The following PGS1 variants were observed in gnomAD, a reference collection of about 807,000 sequenced individuals.
PGS1 encodes CDP-diacylglycerol--glycerol-3-phosphate 3-phosphatidyltransferase, mitochondrial.
A neutral mutation model predicts 58.3 loss-of-function variants in PGS1; 44 were observed. The observed-to-expected ratio is 0.75, with a 90% CI of 0.59 to 0.97. PGS1 has a LOEUF of 0.97. Among genes scored for constraint, PGS1 ranks in the 50% least tolerant of loss-of-function variants. The pLI, the probability that PGS1 is intolerant of heterozygous loss-of-function variation, is 0.00. For missense variants in PGS1, 684 were observed against 731.1 expected, an observed-to-expected ratio of 0.94 and a Z score of 0.74; for synonymous variants, 330 against 311.0, an observed-to-expected ratio of 1.06 and a Z score of -0.64.
chr17:78,416,721 TC>T (rs1464543130), intron 8 of PGS1, among the ~76,000 whole-genome samples: 9 of 152,242 alleles, frequency 5.9e-5, no homozygotes, highest in African/African-American at 9.7e-5. Context: ...CTGTAGCTCT[TC>T]CATTCTTTAG....
At chr17:78,399,091 C>T (rs1160097815) in intron 4 of PGS1, among the ~76,000 whole-genome samples, 2 of 152,168 alleles carry the variant, frequency 1.3e-5, no homozygotes, top group Non-Finnish European at 2.9e-5. Flanking sequence ...GTGCAGTTAC[C>T]AGGAGAAGGG....
intron 9 of PGS1, chr17:78,420,428 C>T (rs936322751): frequency 5.4e-5 from 9 of 165,802 alleles, no homozygotes; most frequent in African/African-American, 9.6e-5. Flanking sequence ...TCCCTCAGGG[C>T]CTGGACTGCA....
chr17:78,423,564 C>T, intron 9 of PGS1: 1 of 295,060 alleles, frequency 3.4e-6, no homozygotes, highest in Non-Finnish European at 6.6e-6. Context: ...ACTCCACTGA[C>T]CCCCCCGGGA....
In PGS1 at chr17:78,403,482, C is replaced by T. The variant is rs991027564; in HGVS notation, c.881-86C>T. On this transcript the variant is annotated intron_variant, in intron 6 of 9. Transcript: ENST00000262764. ...CATCCAGTTGTAGCGTCTGCACTTGCCTATCACATGCCCTGTCCCCTGAGC... is the reference window on the plus strand; with the variant it reads ...CATCCAGTTGTAGCGTCTGCACTTGTCTATCACATGCCCTGTCCCCTGAGC... 14 of 1,374,966 alleles carry T rather than the reference C, an allele frequency of 1.0e-5. No homozygotes were observed. In the Middle Eastern group the frequency reaches 1.8e-3, roughly 178 times the overall value. The allele number at this position is 1,374,966 out of a possible 1,614,324, so 85.2% of individuals were successfully genotyped here.
rs377653504 is a variant in PGS1 at position 78,392,511 on chromosome 17, C to T, written c.179C>T (p.Pro60Leu). 2.0e-5 allele frequency: 32 copies of T among 1,613,870 alleles called. No individual in the cohort carries two copies. The African/African-American group carries it at 3.9e-4, about 20-fold the overall frequency. Residue 60 changes from proline to leucine, a missense_variant, in exon 2 of 10, where the codon CCA becomes CTA. Transcript: ENST00000262764. Reference protein sequence around the residue: ...PWLLLAPLLSPAVPQVTSPPC... With the variant: ...PWLLLAPLLSLAVPQVTSPPC... ...CTGTTATTGGCTCCCTTGCTGTCCC[C>T]AGCTGTTCCCCAGGTCACCTCCCCA...
chr17:78,424,189 G>A lies in PGS1; in HGVS notation c.*139G>A. On this transcript the variant is annotated 3_prime_UTR_variant, in exon 10 of 10. Transcript: ENST00000262764. ...AGTATGGCTGAGGGTCAGGTGTGCT[G>A]CCAGTAAGTGAGGGAGGGGCTGGCA... 6.3e-7 allele frequency: 1 copy of A among 1,577,746 alleles called. No individual in the cohort carries two copies. The highest frequency in any genetic ancestry group is 8.6e-7 in the Non-Finnish European group (1 of 1,162,478).
chr17:78,414,739 C>G (rs1223494263), intron 7 of PGS1, 140 bp from the exon 8 acceptor site: 4 of 905,888 alleles, frequency 4.4e-6, no homozygotes, highest in Admixed American at 2.3e-5. Context: ...CTGGTGTGGC[C>G]TGTCCGCCGC....
intron 7 of PGS1, among the ~76,000 whole-genome samples, chr17:78,410,265 C>T (rs1441948048): frequency 1.3e-5 from 2 of 151,898 alleles, no homozygotes; most frequent in African/African-American, 2.4e-5. Context: ...CCCGTCTCTA[C>T]TAAAAATACA....
intron 9 of PGS1, chr17:78,420,389 C>G: frequency 4.3e-6 from 1 of 232,080 alleles, no homozygotes; most frequent in Non-Finnish European, 7.1e-6. Context: ...AAGGTGGGGT[C>G]TTTGCTGAGT....
Position 78,378,809 on chromosome 17 carries a change from GT to G in PGS1, c.143+2del. On this transcript the variant is annotated splice_donor_variant, in intron 1 of 9. Coordinates refer to ENST00000262764, the MANE Select transcript of PGS1 (RefSeq NM_024419.5). LOFTEE classifies it high-confidence loss of function. ...GGAACCGGGACCGCCAGCGCAGGAGGTGAGAGGGGCGGCCGGGATGAGAGTG... is the reference window on the plus strand; with the variant it reads ...GGAACCGGGACCGCCAGCGCAGGAGGGAGAGGGGCGGCCGGGATGAGAGTG... The G allele has an allele frequency of 6.9e-7, 1 of 1,450,530 alleles. No homozygotes were observed. Among genetic ancestry groups the G allele is most frequent in the Non-Finnish European group, 9.0e-7 (1 of 1,109,612 alleles). The allele number at this position is 1,450,530 out of a possible 1,614,324, so 89.9% of individuals were successfully genotyped here.
intron 1 of PGS1, among the ~76,000 whole-genome samples, chr17:78,380,118 G>A (rs1164610544): frequency 1.3e-5 from 2 of 151,776 alleles, no homozygotes; most frequent in African/African-American, 2.4e-5. Context: ...CACCTGCCTC[G>A]GCCTCCCAAA....
chr17:78,420,412 C>T (rs953290856), intron 9 of PGS1: 8 of 182,012 alleles, frequency 4.4e-5, no homozygotes, highest in Admixed American at 3.9e-4. Flanking sequence ...CCTTTTGTGT[C>T]CTGGATCCCT....
chr17:78,401,323 G>T (rs1171004706), intron 6 of PGS1, among the ~76,000 whole-genome samples: 2 of 152,222 alleles, frequency 1.3e-5, no homozygotes, highest in East Asian at 3.8e-4. Flanking sequence ...CAGGCCAGCA[G>T]CTGTTCGCCT....
chr17:78,406,474 TC>T (rs1567982240), intron 7 of PGS1, among the ~76,000 whole-genome samples: 1 of 152,204 alleles, frequency 6.6e-6, no homozygotes, highest in Non-Finnish European at 1.5e-5. Flanking sequence ...ATGGGAAGCT[TC>T]TGGCATGTCC....
intron 1 of PGS1, among the ~76,000 whole-genome samples, chr17:78,386,974 GATGATGGTGATGATGGTGA>G (rs2082432582): frequency 8.2e-6 from 1 of 121,760 alleles, no homozygotes; most frequent in African/African-American, 3.1e-5. Flanking sequence ...TGATGATGAT[GATGATGGTGATGATGGTGA>G]TGATGATGAT....
chr17:78,420,345 G>A (rs527576056), intron 9 of PGS1: 8 of 514,178 alleles, frequency 1.6e-5, no homozygotes, highest in African/African-American at 4.1e-5. Flanking sequence ...CTGTCTTGAC[G>A]CCTAGAGGTC....
At chr17:78,415,560 A>G (rs985243989) in intron 8 of PGS1, among the ~76,000 whole-genome samples, 2 of 152,206 alleles carry the variant, frequency 1.3e-5, no homozygotes, top group Admixed American at 1.3e-4. Context: ...TGAACCTAGG[A>G]AGCAGAGGTT....
At chr17:78,420,587 C>A (rs936394873) in intron 9 of PGS1, 25 of 152,120 alleles carry the variant, frequency 1.6e-4, no homozygotes, top group African/African-American at 5.8e-4. Context: ...CCCATGTGGC[C>A]GGCACATGCG....
intron 7 of PGS1, among the ~76,000 whole-genome samples, chr17:78,409,209 C>T (rs1299735966): frequency 1.3e-5 from 2 of 152,266 alleles, no homozygotes; most frequent in African/African-American, 4.8e-5. Flanking sequence ...TGTCCATCTG[C>T]TGGGACATGG....
Sources: gnomAD v4.1 joint callset for allele counts (sites outside exome capture counted in the v4.1 genomes callset) on GRCh38, gnomAD v4.1.1 for gene constraint, MANE v1.5 for transcripts, NCBI Gene and HGNC (gene_info 2026-07-23, HGNC 2026-07-21) for gene names.